Variants in TRABD2B observed in about 807,000 individuals in gnomAD.
The protein encoded by TRABD2B is TraB domain containing 2B.
TRABD2B carries 14 observed loss-of-function variants against 40.1 expected under a neutral mutation model. That is an observed-to-expected ratio of 0.35 (90% confidence interval 0.23 to 0.55). The LOEUF (loss-of-function observed/expected upper bound fraction) is 0.55, where lower values mean the gene tolerates loss of function less well. Among genes scored for constraint, TRABD2B ranks in the 20% least tolerant of loss-of-function variants. The pLI is 0.90. For synonymous variants in TRABD2B, 263 were observed against 277.0 expected (o/e 0.95, Z 0.50); for missense variants, 541 against 648.6 (o/e 0.83, Z 1.80).
At chr1:47,929,752 T>C (rs997453712) in intron 2 of TRABD2B, among the ~76,000 whole-genome samples, 1 of 152,162 alleles carries the variant, frequency 6.6e-6, no homozygotes, top group South Asian at 2.1e-4. Context: ...ACTGGAGGAA[T>C]GCTGTAACGA....
At chr1:47,967,339 AC>A (rs1645618458) in intron 2 of TRABD2B, among the ~76,000 whole-genome samples, 1 of 3,360 alleles carries the variant, frequency 3.0e-4, no homozygotes. Context: ...GCAAGAAAAC[AC>A]ACACACACAC....
chr1:47,865,980 C>T (rs78558921), intron 2 of TRABD2B, among the ~76,000 whole-genome samples: 2 of 152,040 alleles, frequency 1.3e-5, no homozygotes, highest in African/African-American at 2.4e-5. Context: ...GGGAGAGACT[C>T]AGGACTGCTT....
intron 2 of TRABD2B, among the ~76,000 whole-genome samples, chr1:47,904,806 G>A (rs1644653607): frequency 6.6e-6 from 1 of 152,216 alleles, no homozygotes; most frequent in South Asian, 2.1e-4. Context: ...ATTGAGTTAA[G>A]CATTGCCCTC....
chr1:47,869,163 T>C (rs1644104877), intron 2 of TRABD2B, among the ~76,000 whole-genome samples: 1 of 152,164 alleles, frequency 6.6e-6, no homozygotes, highest in Admixed American at 6.5e-5. Flanking sequence ...ACCTTGAGGG[T>C]AGGAACTGTC....
intron 2 of TRABD2B, among the ~76,000 whole-genome samples, chr1:47,924,738 C>T (rs1644948112): frequency 6.6e-6 from 1 of 152,188 alleles, no homozygotes; most frequent in African/African-American, 2.4e-5. Context: ...AAAACCTCTT[C>T]CCACCACTCT....
At chr1:47,961,232 C>A (rs1447334749) in intron 2 of TRABD2B, among the ~76,000 whole-genome samples, 1 of 152,132 alleles carries the variant, frequency 6.6e-6, no homozygotes, top group Non-Finnish European at 1.5e-5. Context: ...TAAAGACTTA[C>A]ATGTTAGACC....
intron 2 of TRABD2B, among the ~76,000 whole-genome samples, chr1:47,827,026 CA>C (rs1187186624): frequency 6.6e-6 from 1 of 152,156 alleles, no homozygotes; most frequent in Non-Finnish European, 1.5e-5. Flanking sequence ...CTGGCTCTGC[CA>C]AGGTGTCCAC....
intron 2 of TRABD2B, among the ~76,000 whole-genome samples, chr1:47,990,297 A>G (rs1645981936): frequency 6.6e-6 from 1 of 152,154 alleles, no homozygotes. Context: ...AGGGAGTTGA[A>G]GGGGAGGACT....
chr1:47,845,012 A>G (rs1324959739), intron 2 of TRABD2B, among the ~76,000 whole-genome samples: 2 of 152,162 alleles, frequency 1.3e-5, no homozygotes, highest in South Asian at 4.1e-4. Flanking sequence ...ACCTTCCAAG[A>G]CAGGTGGAGA....
chr1:47,865,888 T>TCC (rs750209818), intron 2 of TRABD2B, among the ~76,000 whole-genome samples: 40 of 152,214 alleles, frequency 2.6e-4, no homozygotes, highest in Non-Finnish European at 4.4e-4. Context: ...GAGCCTGGGT[T>TCC]CCCATCTCAA....
intron 2 of TRABD2B, among the ~76,000 whole-genome samples, chr1:47,969,948 T>C (rs1645657524): frequency 6.6e-6 from 1 of 152,172 alleles, no homozygotes; most frequent in South Asian, 2.1e-4. Flanking sequence ...CACTCTCACA[T>C]TGCAGCCTGA....
At chr1:47,967,554 T>C (rs916536955) in intron 2 of TRABD2B, among the ~76,000 whole-genome samples, 3 of 152,238 alleles carry the variant, frequency 2.0e-5, no homozygotes, top group Non-Finnish European at 4.4e-5. Flanking sequence ...TCTGGTTCTC[T>C]GGCTTTCTAG....
rs183523864 is a variant in TRABD2B at position 47,885,474 on chromosome 1, G to A, written c.667-83855C>T. Among the ~76,000 whole-genome samples the A allele has an allele frequency of 8.8e-3, 1,345 of 152,220 alleles. 14 individuals are homozygous for A. The highest frequency in any genetic ancestry group is 0.012 in the Non-Finnish European group (846 of 68,014). ...TATCTCCAGTGCCCATCACTGCATC[G>A]GCCATCTGGTAACTGTGGAGCATCT... On this transcript the variant is annotated intron_variant, in intron 2 of 6. Transcript: ENST00000606738.
chr1:47,806,698 G>C (rs967633238), intron 2 of TRABD2B, among the ~76,000 whole-genome samples: 2 of 152,184 alleles, frequency 1.3e-5, no homozygotes, highest in African/African-American at 4.8e-5. Context: ...GTCTTCAAAC[G>C]AGGAACTAGG....
chr1:47,963,741 T>A (rs1474973595), intron 2 of TRABD2B, among the ~76,000 whole-genome samples: 1 of 152,238 alleles, frequency 6.6e-6, no homozygotes, highest in Non-Finnish European at 1.5e-5. Flanking sequence ...GCAGCAAGAC[T>A]GACACCTCCC....
At chr1:47,799,817 C>G (rs1475066661) in intron 3 of TRABD2B, among the ~76,000 whole-genome samples, 6 of 152,144 alleles carry the variant, frequency 3.9e-5, no homozygotes, top group Non-Finnish European at 8.8e-5. Flanking sequence ...CCTTCTCTCC[C>G]CAGTCCCAGG....
At chr1:47,948,605 G>A (rs1645294417) in intron 2 of TRABD2B, among the ~76,000 whole-genome samples, 1 of 152,116 alleles carries the variant, frequency 6.6e-6, no homozygotes, top group Admixed American at 6.5e-5. Flanking sequence ...GAGAATGAGG[G>A]AGAGGAAATG....
At chr1:47,929,419 C>CCT (rs1294927844) in intron 2 of TRABD2B, among the ~76,000 whole-genome samples, 1 of 152,220 alleles carries the variant, frequency 6.6e-6, no homozygotes. Flanking sequence ...GTTTATCAGT[C>CCT]CTCTCTCTGA....
At chr1:47,877,937 T>C (rs888329111) in intron 2 of TRABD2B, among the ~76,000 whole-genome samples, 7 of 150,090 alleles carry the variant, frequency 4.7e-5, no homozygotes, top group Admixed American at 1.3e-4. Context: ...GAAGTTGCAG[T>C]GAGCCCAAGA....
Sources: allele counts gnomAD v4.1 joint callset (sites outside exome capture counted in the v4.1 genomes callset), GRCh38; gene constraint gnomAD v4.1.1; transcripts MANE v1.5; gene names NCBI Gene and HGNC (gene_info 2026-07-23, HGNC 2026-07-21).